Variants in TEAD3 observed in about 807,000 individuals in gnomAD.
The protein encoded by TEAD3 is transcriptional enhancer factor TEF-5.
A neutral mutation model predicts 55.6 loss-of-function variants in TEAD3; 15 were observed. The observed-to-expected ratio is 0.27, with a 90% CI of 0.18 to 0.42. The LOEUF is 0.42. Ranked by LOEUF, TEAD3 falls within the 10% of genes least tolerant of loss-of-function variation. The pLI, the probability that TEAD3 is intolerant of heterozygous loss-of-function variation, is 1.00. For synonymous variants in TEAD3, 210 were observed against 232.2 expected (o/e 0.90, Z 0.87); for missense variants, 407 against 576.8 (o/e 0.71, Z 3.01).
chr6:35,478,507 G>A, exon 6 of TEAD3: 1 of 1,610,744 alleles, frequency 6.2e-7, no homozygotes, highest in South Asian at 1.1e-5. Context: ...GACACTGGCA[G>A]AGACGATCTG....
intron 1 of TEAD3, among the ~76,000 whole-genome samples, chr6:35,489,915 T>C (rs1768472457): frequency 6.6e-6 from 1 of 151,588 alleles, no homozygotes; most frequent in African/African-American, 2.4e-5. Context: ...AAGAAAAAAT[T>C]AAGGGGACAG....
Position 35,479,286 on chromosome 6 carries a change from G to C in TEAD3, c.342+19C>G, listed in dbSNP as rs768896931. On this transcript the variant is annotated intron_variant, in intron 5 of 12. Transcript: ENST00000639578. ...AGACCCTTTCCCCCACTCCCACTGG[G>C]GAGGGCTGTGCTACTTACCAGGTTC... The C allele has an allele frequency of 1.2e-6, 2 of 1,613,648 alleles. No homozygotes were observed. Among genetic ancestry groups the C allele is most frequent in the South Asian group, 2.2e-5 (2 of 91,078 alleles).
In TEAD3 at chr6:35,491,965, C is replaced by T. The variant is rs1398229571; in HGVS notation, c.-50+4933G>A. Among the ~76,000 whole-genome samples the T allele has an allele frequency of 6.6e-6, 1 of 152,188 alleles. No individual in the cohort carries two copies. Among genetic ancestry groups the T allele is most frequent in the Non-Finnish European group, 1.5e-5 (1 of 68,014 alleles). ...GCCTCCAGACCACCCAGCCCTGTAG[C>T]TCCCTTTAGGGGCCCCAGAGCCACT... On this transcript the variant is annotated intron_variant, in intron 1 of 12. Transcript: ENST00000639578. This position sits in a 1 kb window ranked among gnomAD's most constrained non-coding sequence, Gnocchi z 4.4.
Position 35,486,507 on chromosome 6 carries a change from G to A in TEAD3, c.156C>T (p.Pro52=). 1 of 1,613,568 alleles carries A rather than the reference G, an allele frequency of 6.2e-7. No individual in the cohort carries two copies. The highest frequency in any genetic ancestry group is 1.1e-5 in the South Asian group (1 of 91,084). ...ACAGGATGATCTTCCGCCGGCCGCA[G>A]GGCGGGTAGATGGCCAGGGCCTCCT... The change falls in exon 2 of 13, where the codon CCC becomes CCT. Residue 52 remains proline (P), a synonymous_variant. Coordinates refer to ENST00000639578, the Ensembl canonical transcript of TEAD3. This position sits in a 1 kb window ranked among gnomAD's most constrained non-coding sequence, Gnocchi z 7.3.
rs184135415 is a variant in TEAD3, at chr6:35,493,096, C to T, written c.-50+3802G>A. On this transcript the variant is annotated intron_variant, in intron 1 of 12. Transcript: ENST00000639578. ...AGAACAAATAGGTTTCCTCTGCGCC[C>T]TTCCTCTCGCTCGCATACACAGTTG... Among the ~76,000 whole-genome samples the T allele has an allele frequency of 7.2e-5, 11 of 152,322 alleles. No individual in the cohort carries two copies. The East Asian group carries it at 2.1e-3, about 29-fold the overall frequency.
At chr6:35,490,396 G>C (rs991495403) in intron 1 of TEAD3, among the ~76,000 whole-genome samples, 1 of 152,134 alleles carries the variant, frequency 6.6e-6, no homozygotes, top group East Asian at 1.9e-4. Flanking sequence ...TAGGACCACC[G>C]TCCCTCCCTT....
intron 4 of TEAD3, 144 bp from the exon 5 acceptor site, chr6:35,479,460 C>T (rs973407480): frequency 3.9e-6 from 4 of 1,029,620 alleles, no homozygotes; most frequent in East Asian, 2.6e-5. Flanking sequence ...AGACCCTCCC[C>T]GTCCCCACAG....
At position 35,484,012 on chromosome 6, in the gene TEAD3, T is replaced by C. The variant is rs1768316414; in HGVS notation, c.267+548A>G. On this transcript the variant is annotated intron_variant, in intron 3 of 12. Coordinates refer to ENST00000639578, the Ensembl canonical transcript of TEAD3. This position sits in a 1 kb window ranked among gnomAD's most constrained non-coding sequence, Gnocchi z 5.8. ...CTTCCTCAGCCTGGAAGGAAGGGTC[T>C]TCTCCCTTTTCTCTGCCTTGCGAAC... is the stretch of plus-strand genomic sequence containing the variant. Among the ~76,000 whole-genome samples, 1 of 152,198 alleles carries C rather than the reference T, an allele frequency of 6.6e-6. No homozygotes were observed. Among genetic ancestry groups the C allele is most frequent in the Non-Finnish European group, 1.5e-5 (1 of 68,034 alleles).
At chr6:35,480,020 G>A (rs1327596277) in intron 4 of TEAD3, 1 of 1,455,206 alleles carries the variant, frequency 6.9e-7, no homozygotes, top group Non-Finnish European at 9.2e-7. Context: ...CACCCAGGAG[G>A]GTGCTGGGCA....
At position 35,491,081 on chromosome 6, in the gene TEAD3, G is replaced by A. The variant is rs541702060; in HGVS notation, c.-49-4370C>T. Among the ~76,000 whole-genome samples, 1 of 151,978 alleles carries A rather than the reference G, an allele frequency of 6.6e-6. No individual in the cohort carries two copies. Among genetic ancestry groups the A allele is most frequent in the South Asian group, 2.1e-4 (1 of 4,800 alleles). ...GTCTGGGGCAAAGAGAAGCTGAGGTGAACCCAGAGAGAAAACAGACCAGAG... is the reference window on the plus strand; with the variant it reads ...GTCTGGGGCAAAGAGAAGCTGAGGTAAACCCAGAGAGAAAACAGACCAGAG... On this transcript the variant is annotated intron_variant, in intron 1 of 12. Coordinates refer to ENST00000639578, the Ensembl canonical transcript of TEAD3. This position sits in a 1 kb window ranked among gnomAD's most constrained non-coding sequence, Gnocchi z 4.4.
At chr6:35,482,145 C>T (rs1378353099) in intron 3 of TEAD3, among the ~76,000 whole-genome samples, 1 of 152,096 alleles carries the variant, frequency 6.6e-6, no homozygotes, top group East Asian at 1.9e-4. Context: ...CCACCACACC[C>T]AGCTAATTTT....
chr6:35,478,974 A>C lies in TEAD3; in HGVS notation c.342+331T>G, dbSNP rs563644708. Among the ~76,000 whole-genome samples the C allele has an allele frequency of 2.1e-5, 3 of 145,068 alleles. No individual in the cohort carries two copies. The East Asian group carries it at 6.1e-4, about 30-fold the overall frequency. On this transcript the variant is annotated intron_variant, in intron 5 of 12. Transcript: ENST00000639578. Reference sequence around the variant, plus strand: ...GGCTCACTGCAAGCTCTGCCTCCTGAGTTCAAGCAATTTTCTTGCCTCAGC... The same window carrying C: ...GGCTCACTGCAAGCTCTGCCTCCTGCGTTCAAGCAATTTTCTTGCCTCAGC...
Position 35,478,188 on chromosome 6 carries a change from C to T in TEAD3, c.530+87G>A, listed in dbSNP as rs1400786242. ...TCTATTTTTGAATTAAAACTTTGCTCAGCTGTTGCTGGAGCCCAAATGGGA... is the reference window on the plus strand; with the variant it reads ...TCTATTTTTGAATTAAAACTTTGCTTAGCTGTTGCTGGAGCCCAAATGGGA... On this transcript the variant is annotated intron_variant, in intron 7 of 12. Coordinates refer to ENST00000639578, the Ensembl canonical transcript of TEAD3. 1.6e-5 allele frequency: 24 copies of T among 1,528,630 alleles called. No homozygotes were observed. In the South Asian group the frequency reaches 2.5e-4, roughly 16 times the overall value. 94.7% of individuals were successfully genotyped at this position (1,528,630 alleles called of 1,614,324 possible).
At position 35,479,332 on chromosome 6, in the gene TEAD3, G is replaced by A. The variant is rs1768219621; in HGVS notation, c.331-16C>T. The A allele has an allele frequency of 6.2e-7, 1 of 1,614,002 alleles. No homozygotes were observed. The highest frequency in any genetic ancestry group is 8.5e-7 in the Non-Finnish European group (1 of 1,179,868). ...GGTTCATGGCCTGTGAGGGAGAGAA[G>A]GAAGATAGATTAGAGGACATGTGCA... On this transcript the variant is annotated splice_polypyrimidine_tract_variant and intron_variant, in intron 4 of 12. Transcript: ENST00000639578.
chr6:35,476,757 C>G lies in TEAD3; in HGVS notation c.593-322G>C, dbSNP rs552657367. Among the ~76,000 whole-genome samples the G allele has an allele frequency of 5.3e-5, 8 of 152,338 alleles. No individual in the cohort carries two copies. The East Asian group carries it at 1.5e-3, about 29-fold the overall frequency. ...AGTGCATTTCCTTATGGGGAGTTTT[C>G]TATCCATAGAGATGTGTGTAAATGT... On this transcript the variant is annotated intron_variant, in intron 8 of 12. Transcript: ENST00000639578.
rs146859768 is a variant in TEAD3, at chr6:35,486,220, G to T, written c.202+241C>A. Among the ~76,000 whole-genome samples the T allele has an allele frequency of 1.3e-5, 2 of 152,240 alleles. No homozygotes were observed. The highest frequency in any genetic ancestry group is 2.1e-4 in the South Asian group (1 of 4,830). ...TGAGTCACCTCGAAACCTCCAGGCCGGTAGCGGGGAGGAGAGGAGGAGCAG... is the reference window on the plus strand; with the variant it reads ...TGAGTCACCTCGAAACCTCCAGGCCTGTAGCGGGGAGGAGAGGAGGAGCAG... On this transcript the variant is annotated intron_variant, in intron 2 of 12. Coordinates refer to ENST00000639578, the Ensembl canonical transcript of TEAD3. The surrounding 1 kb of genome is among the most constrained non-coding windows in gnomAD (Gnocchi z 7.3).
chr6:35,485,231 T>C lies in TEAD3; in HGVS notation c.203-607A>G, dbSNP rs1308993774. ...TACACTGGCGGCCTGTGTCAAGATG[T>C]GTCACTGAGCATGTCGCCATGTCCT... On this transcript the variant is annotated intron_variant, in intron 2 of 12. Transcript: ENST00000639578. The surrounding 1 kb of genome is among the most constrained non-coding windows in gnomAD (Gnocchi z 4.3). Among the ~76,000 whole-genome samples the C allele has an allele frequency of 6.6e-6, 1 of 152,182 alleles. No homozygotes were observed. Among genetic ancestry groups the C allele is most frequent in the African/African-American group, 2.4e-5 (1 of 41,442 alleles).
At position 35,479,321 on chromosome 6, in the gene TEAD3, G is replaced by A. The variant is rs1484205458; in HGVS notation, c.331-5C>T. 2 of 1,614,038 alleles carry A rather than the reference G, an allele frequency of 1.2e-6. No homozygotes were observed. Among genetic ancestry groups the A allele is most frequent in the Non-Finnish European group, 1.7e-6 (2 of 1,179,884 alleles). On this transcript the variant is annotated splice_region_variant and splice_polypyrimidine_tract_variant and intron_variant, in intron 4 of 12. Coordinates refer to ENST00000639578, the Ensembl canonical transcript of TEAD3. ...GCTACTTACCAGGTTCATGGCCTGT[G>A]AGGGAGAGAAGGAAGATAGATTAGA...
Position 35,486,200 on chromosome 6 carries a change from C to G in TEAD3, c.202+261G>C, listed in dbSNP as rs1424216003. On this transcript the variant is annotated intron_variant, in intron 2 of 12. Coordinates refer to ENST00000639578, the Ensembl canonical transcript of TEAD3. The surrounding 1 kb of genome is among the most constrained non-coding windows in gnomAD (Gnocchi z 7.3). ...ACCCACTTTCTTGGGCCCACTGAGT[C>G]ACCTCGAAACCTCCAGGCCGGTAGC... Among the ~76,000 whole-genome samples the G allele has an allele frequency of 6.6e-6, 1 of 152,240 alleles. No individual in the cohort carries two copies. Among genetic ancestry groups the G allele is most frequent in the Non-Finnish European group, 1.5e-5 (1 of 68,040 alleles).
Sources: allele counts gnomAD v4.1 joint callset (sites outside exome capture counted in the v4.1 genomes callset), GRCh38; gene constraint gnomAD v4.1.1; non-coding constraint Gnocchi (gnomAD v3.1); transcripts MANE v1.5; gene names NCBI Gene and HGNC (gene_info 2026-07-23, HGNC 2026-07-21).